Variants in SZT2 observed in about 807,000 individuals in gnomAD.
SZT2 encodes the protein KICSTOR complex protein SZT2.
SZT2 carries 216 observed loss-of-function variants against 404.2 expected under a neutral mutation model. The ratio of observed to expected loss-of-function variants is 0.53; its 90% CI spans 0.48 to 0.60. The LOEUF (loss-of-function observed/expected upper bound fraction) is 0.60. Ranked by LOEUF, SZT2 falls within the 20% of genes least tolerant of loss-of-function variation. The pLI, the probability that SZT2 is intolerant of heterozygous loss-of-function variation, is 0.00. For missense variants in SZT2, 3,857 were observed against 4,459.2 expected (o/e 0.86, Z 3.85); for synonymous variants, 1,693 against 1,749.9 (o/e 0.97, Z 0.81).
Position 43,430,640 on chromosome 1 carries a change from A to G in SZT2, c.4625A>G (p.Asp1542Gly). ...SDVDTVNPDE[D>G]SFSILGGDSP... is the part of the protein sequence containing the mutation. ...GTAGACACTGTGAATCCTGATGAAG[A>G]CTCCTTCAGTATCTTGGGGGGCGAC... Residue 1542 changes from aspartate (D) to glycine (G), a missense_variant, in exon 32 of 72, where the codon GAC (aspartate) becomes GGC (glycine). By Grantham distance (94) the Asp-to-Gly change is moderately conservative. Around this residue, in one of 7 missense-constraint regions of SZT2, gnomAD observed 1,725 missense variants for 1,881.0 expected, o/e 0.92. Transcript: ENST00000634258. 2 of 1,613,308 alleles carry G rather than the reference A, an allele frequency of 1.2e-6. No homozygotes were observed. The highest frequency in any genetic ancestry group is 1.7e-6 in the Non-Finnish European group (2 of 1,179,806).
rs367873208 is a variant in SZT2, at chr1:43,439,377, G to C, written c.6812G>C (p.Gly2271Ala). The C allele has an allele frequency of 8.7e-6, 14 of 1,613,850 alleles. No individual in the cohort carries two copies. The African/African-American group carries it at 1.7e-4, about 20-fold the overall frequency. Residue 2271 changes from glycine to alanine, a missense_variant, in exon 49 of 72, where the codon GGT becomes GCT. Transcript: ENST00000634258. The surrounding 1 kb of genome is among the most constrained non-coding windows in gnomAD (Gnocchi z 4.2). ...NHFQHPLPPQ[G>A]GLPDLDIYLY... ...CCCCAGCATCCACTCCCACCACAGG[G>C]TGGCCTCCCTGACTTGGACATCTAC...
At position 43,452,843 on chromosome 1, in the gene SZT2, T is replaced by G; in HGVS notation, c.*2363T>G. 1 of 1,532,508 alleles carries G rather than the reference T, an allele frequency of 6.5e-7. No individual in the cohort carries two copies. The highest frequency in any genetic ancestry group is 8.9e-7 in the Non-Finnish European group (1 of 1,129,346). The allele number at this position is 1,532,508 out of a possible 1,614,324, so 94.9% of individuals were successfully genotyped here. On this transcript the variant is annotated 3_prime_UTR_variant, in exon 72 of 72. Transcript: ENST00000634258. ...CACCTCCTCCCATCATCCCCTGATC[T>G]TAGCCACATCCAGCTCCAAGCAGAC...
rs540969467 is a variant in SZT2 at position 43,427,913 on chromosome 1, A to G, written c.3804-90A>G. Reference sequence around the variant, plus strand: ...CCATGAATACACTTGATATGTGTCTATAGATGATCCATTGGAGTGTGGATG... The same window carrying G: ...CCATGAATACACTTGATATGTGTCTGTAGATGATCCATTGGAGTGTGGATG... On this transcript the variant is annotated intron_variant, in intron 26 of 71. Transcript: ENST00000634258. 42 of 1,327,528 alleles carry G rather than the reference A, an allele frequency of 3.2e-5. No homozygotes were observed. The South Asian group carries it at 4.3e-4, about 14-fold the overall frequency. The allele number at this position is 1,327,528 out of a possible 1,614,324, so 82.2% of individuals were successfully genotyped here.
intron 4 of SZT2, among the ~76,000 whole-genome samples, chr1:43,413,192 G>C (rs577643688): frequency 6.6e-6 from 1 of 152,274 alleles, no homozygotes; most frequent in South Asian, 2.1e-4. Flanking sequence ...AGACCAGCCT[G>C]GCCAACATGG....
chr1:43,427,068 C>A lies in SZT2; in HGVS notation c.3322C>A (p.Pro1108Thr). 6.2e-7 allele frequency: 1 copy of A among 1,613,692 alleles called. No homozygotes were observed. Among genetic ancestry groups the A allele is most frequent in the Non-Finnish European group, 8.5e-7 (1 of 1,179,868 alleles). Residue 1108 changes from proline (P) to threonine (T), a missense_variant, in exon 24 of 72, where the codon CCT becomes ACT. Physicochemically the swap from Pro to Thr is conservative, Grantham distance 38. Transcript: ENST00000634258. The part of the protein sequence containing the change: ...SAFTSLSVGL[P>T]ETLKPLISAQ... The stretch of plus-strand genomic sequence containing the variant: ...TTTTCTCTTACAGAGTGTAGGTCTT[C>A]CTGAAACTCTCAAGCCTCTCATCTC...
Position 43,389,975 on chromosome 1 carries a change from T to C in SZT2, c.7T>C (p.Ser3Pro). Residue 3 changes from serine to proline, a missense_variant, in exon 1 of 72, where the codon TCG becomes CCG. This residue lies in a region of SZT2 where 536 missense variants were observed against 637.4 expected (regional missense o/e 0.84). Coordinates refer to ENST00000634258, the MANE Select transcript of SZT2 (RefSeq NM_001365999.1). The part of the protein sequence containing the change: MA[S>P]ERPEPEVEEA... ...GGCGCGGGAGGGCTGTGTGATGGCC[T>C]CGGAGCGCCCGGAGCCGGAGGTGAG... 1 of 1,404,108 alleles carries C rather than the reference T, an allele frequency of 7.1e-7. No individual in the cohort carries two copies. Among genetic ancestry groups the C allele is most frequent in the Non-Finnish European group, 9.2e-7 (1 of 1,081,200 alleles). 87.0% of individuals were successfully genotyped at this position (1,404,108 alleles called of 1,614,324 possible). A position where few individuals can be genotyped will look rare whatever the true frequency, so the allele number is the denominator to read the frequency against.
intron 15 of SZT2, among the ~76,000 whole-genome samples, chr1:43,423,968 G>T (rs1652819677): frequency 6.6e-6 from 1 of 150,772 alleles, no homozygotes. Context: ...GTTTAGCAGG[G>T]TATGAGTGGT....
At position 43,447,874 on chromosome 1, in the gene SZT2, G is replaced by A. The variant is rs758066200; in HGVS notation, c.9466G>A (p.Gly3156Arg). Residue 3156 changes from glycine (G) to arginine (R), a missense_variant, in exon 68 of 72, where the codon GGA (glycine) becomes AGA (arginine). Gly to Arg is a moderately radical substitution (Grantham distance 125). Coordinates refer to ENST00000634258, the MANE Select transcript of SZT2 (RefSeq NM_001365999.1). Reference sequence around the variant, plus strand: ...TTCTGGCTCCTACCTGGACTCTGAGGGACTTCGACACCAGGATGACTTTGA... The same window carrying A: ...TTCTGGCTCCTACCTGGACTCTGAGAGACTTCGACACCAGGATGACTTTGA... ...HSSGSYLDSE[G>R]LRHQDDFDVS... is the part of the protein sequence containing the mutation. 3 of 1,614,086 alleles carry A rather than the reference G, an allele frequency of 1.9e-6. No homozygotes were observed. The highest frequency in any genetic ancestry group is 1.7e-6 in the Non-Finnish European group (2 of 1,180,022).
At position 43,451,183 on chromosome 1, in the gene SZT2, G is replaced by A. The variant is rs1262117072; in HGVS notation, c.*703G>A. ...TTCAGCAGGTCATCTTTAATGCAGA[G>A]GAGGAGATGGGATGTCACTCGCTGT... On this transcript the variant is annotated 3_prime_UTR_variant, in exon 72 of 72. Transcript: ENST00000634258. 3.4e-6 allele frequency: 5 copies of A among 1,475,540 alleles called. No homozygotes were observed. In the African/African-American group the frequency reaches 6.9e-5, roughly 20 times the overall value. The allele number at this position is 1,475,540 out of a possible 1,614,324, so 91.4% of individuals were successfully genotyped here.
intron 1 of SZT2, among the ~76,000 whole-genome samples, chr1:43,397,629 G>A (rs1304925187): frequency 1.3e-5 from 2 of 151,606 alleles, no homozygotes; most frequent in African/African-American, 4.8e-5. Flanking sequence ...CTGGGTTCAA[G>A]CGATTCTCCT....
rs140874734 is a variant in SZT2 at position 43,429,720 on chromosome 1, T to C, written c.4184T>C (p.Leu1395Pro). The C allele has an allele frequency of 2.5e-6, 4 of 1,614,212 alleles. No individual in the cohort carries two copies. In the Admixed American group the frequency reaches 5.0e-5, roughly 20 times the overall value. ...CCATTCAGCATAGAGACCGAGGACCTAAGCGAGCCTGAGTTTCAGAGCACC... is the reference window on the plus strand; with the variant it reads ...CCATTCAGCATAGAGACCGAGGACCCAAGCGAGCCTGAGTTTCAGAGCACC... ...ASESSIETEDLSEPEFQSTRV... is the reference protein window; with the variant it reads ...ASESSIETEDPSEPEFQSTRV... The change falls in exon 29 of 72, where the codon CTA (leucine) becomes CCA (proline). Residue 1395 changes from leucine (L) to proline (P), a missense_variant. This residue lies in a region of SZT2 where 1,725 missense variants were observed against 1,881.0 expected (regional missense o/e 0.92). Coordinates refer to ENST00000634258, the MANE Select transcript of SZT2 (RefSeq NM_001365999.1).
chr1:43,402,839 C>T lies in SZT2; in HGVS notation c.28-338C>T, dbSNP rs74069984. 0.031 allele frequency among the ~76,000 whole-genome samples: 4,656 copies of T among 152,254 alleles called. 233 individuals carry two copies. Among genetic ancestry groups the T allele is most frequent in the African/African-American group, 0.11 (4,441 of 41,528 alleles). On this transcript the variant is annotated intron_variant, in intron 1 of 71. Coordinates refer to ENST00000634258, the MANE Select transcript of SZT2 (RefSeq NM_001365999.1). ...GTCCTGGTATTTGCTCTGTTTGTAG[C>T]AATTTGCCAAGCACAGGGGCACAAA... is the stretch of plus-strand genomic sequence containing the variant.
rs778184888 is a variant in SZT2 at position 43,451,985 on chromosome 1, A to T, written c.*1505A>T. ...CTGGGGGTCAGTGATGCGGGTGTTG[A>T]TGGGCTCCAGCAGTCCCACGAGGTC... On this transcript the variant is annotated 3_prime_UTR_variant, in exon 72 of 72. Coordinates refer to ENST00000634258, the MANE Select transcript of SZT2 (RefSeq NM_001365999.1). 12 of 1,610,930 alleles carry T rather than the reference A, an allele frequency of 7.4e-6. No individual in the cohort carries two copies. The highest frequency in any genetic ancestry group is 1.0e-5 in the Non-Finnish European group (12 of 1,177,962).
At chr1:43,391,145 T>C (rs770235523) in intron 1 of SZT2, among the ~76,000 whole-genome samples, 2 of 152,084 alleles carry the variant, frequency 1.3e-5, no homozygotes, top group Non-Finnish European at 2.9e-5. Flanking sequence ...AGAAAGCCTG[T>C]CTGTACTGAA....
At chr1:43,400,597 C>T (rs1412056310) in intron 1 of SZT2, among the ~76,000 whole-genome samples, 3 of 152,180 alleles carry the variant, frequency 2.0e-5, no homozygotes, top group Non-Finnish European at 1.5e-5. Context: ...ATAGGGCAGG[C>T]GTGGTGGCTC....
intron 4 of SZT2, chr1:43,410,554 CAAAAAAAAAAAAA>C (rs34705523): frequency 2.4e-5 from 1 of 41,040 alleles, no homozygotes; most frequent in Non-Finnish European, 4.4e-5. Context: ...GACTCTGTCT[CAAAAAAAAAAAAA>C]AAAAAAAAAA....
In SZT2 at chr1:43,429,761, C is replaced by T. The variant is rs377512674; in HGVS notation, c.4225C>T (p.Pro1409Ser). The change falls in exon 29 of 72, where the codon CCA (proline) becomes TCA (serine). Residue 1409 changes from proline (P) to serine (S), a missense_variant. Physicochemically the swap from Pro to Ser is moderately conservative, Grantham distance 74. Coordinates refer to ENST00000634258, the MANE Select transcript of SZT2 (RefSeq NM_001365999.1). Reference protein sequence around the residue: ...EFQSTRVPGIPDPGPEISLTD... With the variant: ...EFQSTRVPGISDPGPEISLTD... ...TCAGAGCACCCGTGTCCCTGGCATTCCAGACCCTGGGCCAGAGATCTCTCT... is the reference window on the plus strand; with the variant it reads ...TCAGAGCACCCGTGTCCCTGGCATTTCAGACCCTGGGCCAGAGATCTCTCT... 147 of 1,614,080 alleles carry T rather than the reference C, an allele frequency of 9.1e-5. No individual in the cohort carries two copies. Among genetic ancestry groups the T allele is most frequent in the Non-Finnish European group, 1.1e-4 (134 of 1,180,038 alleles).
chr1:43,433,360 C>T (rs1287583689), intron 40 of SZT2, among the ~76,000 whole-genome samples, 170 bp downstream of exon 40: 1 of 152,220 alleles, frequency 6.6e-6, no homozygotes, highest in Non-Finnish European at 1.5e-5. Context: ...CCACATCTTA[C>T]AGCTAAGCAC....
intron 70 of SZT2, chr1:43,449,690 G>A (rs775625632): frequency 1.2e-4 from 34 of 275,672 alleles, no homozygotes; most frequent in Non-Finnish European, 1.8e-4. Flanking sequence ...CCTTGGGAGA[G>A]CAAATCATCC....
Sources: allele counts gnomAD v4.1 joint callset (sites outside exome capture counted in the v4.1 genomes callset), GRCh38; gene constraint gnomAD v4.1.1; regional missense constraint gnomAD v4.1.1; non-coding constraint Gnocchi (gnomAD v3.1); transcripts MANE v1.5; gene names NCBI Gene and HGNC (gene_info 2026-07-23, HGNC 2026-07-21).